Variants in HEATR6 observed in about 807,000 individuals in gnomAD.
HEATR6 encodes the protein HEAT repeat containing 6, also known as HEAT repeat-containing protein 6.
Under a neutral mutation model 132.8 loss-of-function variants are expected in HEATR6, and 106 were observed. The ratio of observed to expected loss-of-function variants is 0.80; its 90% CI spans 0.68 to 0.94. The LOEUF is 0.94. HEATR6 is among the 40% of genes least tolerant of loss of function. HEATR6 has a pLI of 0.00. For missense variants in HEATR6, 1,339 were observed against 1,425.1 expected, an observed-to-expected ratio of 0.94 and a Z score of 0.97; for synonymous variants, 529 against 537.8, an observed-to-expected ratio of 0.98 and a Z score of 0.23.
chr17:60,068,384 G>A (rs997081631), intron 7 of HEATR6, among the ~76,000 whole-genome samples: 6 of 151,614 alleles, frequency 4.0e-5, no homozygotes, highest in Middle Eastern at 3.2e-3. Flanking sequence ...CTCAAAGTCT[G>A]TGGCCTTGAG....
chr17:60,047,021 AT>A (rs753671987), intron 18 of HEATR6, among the ~76,000 whole-genome samples: 66 of 146,722 alleles, frequency 4.5e-4, no homozygotes, highest in Middle Eastern at 3.5e-3. Flanking sequence ...TGACTTGTCA[AT>A]TTTTTTTTTT....
chr17:60,053,176 C>A (rs945653979), intron 14 of HEATR6, among the ~76,000 whole-genome samples: 2 of 152,082 alleles, frequency 1.3e-5, no homozygotes, highest in African/African-American at 4.8e-5. Context: ...GTTATTCACA[C>A]GAGAGCTAAT....
chr17:60,076,580 G>C (rs534192004), intron 1 of HEATR6: 40 of 179,768 alleles, frequency 2.2e-4, no homozygotes, highest in African/African-American at 8.1e-4. Context: ...ATGGTGGTAT[G>C]TAGTCCCAGC....
intron 18 of HEATR6, 89 bp downstream of exon 18, chr17:60,047,220 G>T: frequency 1.2e-6 from 1 of 814,946 alleles, no homozygotes. Flanking sequence ...GACAGTCTGA[G>T]GAACATCAAG....
Position 60,066,232 on chromosome 17 carries a change from T to C in HEATR6, c.1393A>G (p.Thr465Ala), listed in dbSNP as rs1461503604. 1.2e-6 allele frequency: 2 copies of C among 1,613,628 alleles called. No individual in the cohort carries two copies. Among genetic ancestry groups the C allele is most frequent in the African/African-American group, 1.3e-5 (1 of 74,932 alleles). The change falls in exon 9 of 20, where the codon ACA (threonine) becomes GCA (alanine). Residue 465 changes from threonine (T) to alanine (A), a missense_variant. Transcript: ENST00000184956. ...ACCTTTGGAGAAGGGTCTTTCAATGTAAGAGTCATCAAGGACACTGACTGT... is the reference window on the plus strand; with the variant it reads ...ACCTTTGGAGAAGGGTCTTTCAATGCAAGAGTCATCAAGGACACTGACTGT... ...SPQSVSLMTL[T>A]LKDPSPKTRA...
chr17:60,077,613 A>G (rs1568653409), intron 1 of HEATR6, among the ~76,000 whole-genome samples: 1 of 152,220 alleles, frequency 6.6e-6, no homozygotes, highest in Admixed American at 6.5e-5. Flanking sequence ...ATTCTGTATG[A>G]ATTGTCCTGC....
chr17:60,059,976 C>T lies in HEATR6; in HGVS notation c.1537G>A (p.Ala513Thr), dbSNP rs1160246355. The change falls in exon 10 of 20, where the codon GCT (alanine) becomes ACT (threonine). Residue 513 changes from alanine to threonine, a missense_variant. By Grantham distance (58) the Ala-to-Thr change is moderately conservative. Transcript: ENST00000184956. ...RAFTPFSVMI[A>T]CSIRELHRCL... ...CTGTGCAACTCTCTAATGCTGCAAG[C>T]GATCATTACGGAGAAGGGGGTAAAA... is the stretch of plus-strand genomic sequence containing the variant. 9.3e-6 allele frequency: 15 copies of T among 1,613,740 alleles called. No individual in the cohort carries two copies. The highest frequency in any genetic ancestry group is 2.2e-5 in the East Asian group (1 of 44,876).
intron 8 of HEATR6, among the ~76,000 whole-genome samples, 163 bp downstream of exon 8, chr17:60,067,269 CAA>C (rs11339664): frequency 0.03 from 1,851 of 61,116 alleles, 20 homozygotes; most frequent in African/African-American, 0.075. Flanking sequence ...GACTCCGTCT[CAA>C]AAAAAAAAAA....
At chr17:60,073,980 A>C in intron 2 of HEATR6, 94 bp from the exon 3 acceptor site, 1 of 1,486,610 alleles carries the variant, frequency 6.7e-7, no homozygotes. Context: ...AGCTGTATAA[A>C]AGAGAGAGTG....
In HEATR6 at chr17:60,057,236, G is replaced by A. The variant is rs1357990103; in HGVS notation, c.1891C>T (p.Pro631Ser). ...GTTTCTTCCAGAGAGGGTCCTGCAG[G>A]GGCTTTCTTCCACCAATCAGGAGGG... ...LSPPDWWKKA[P>S]AGPSLEETSV... Residue 631 changes from proline to serine, a missense_variant, in exon 12 of 20, where the codon CCT becomes TCT. Transcript: ENST00000184956. 1.2e-6 allele frequency: 2 copies of A among 1,614,168 alleles called. No homozygotes were observed. Among genetic ancestry groups the A allele is most frequent in the Non-Finnish European group, 1.7e-6 (2 of 1,180,032 alleles).
At chr17:60,047,236 C>T in intron 18 of HEATR6, 73 bp downstream of exon 18, 2 of 955,472 alleles carry the variant, frequency 2.1e-6, no homozygotes, top group Non-Finnish European at 3.3e-6. Context: ...TCAAGCCACA[C>T]TGAACTACCA....
rs8082103 is a variant in HEATR6, at chr17:60,069,209, C to T, written c.939+502G>A. On this transcript the variant is annotated intron_variant, in intron 7 of 19. Transcript: ENST00000184956. ...CGCTGACTGGTAGGTGGGCTTCTAACAGTCTAGAGTGGGGTTGGCAAATTA... is the reference window on the plus strand; with the variant it reads ...CGCTGACTGGTAGGTGGGCTTCTAATAGTCTAGAGTGGGGTTGGCAAATTA... Among the ~76,000 whole-genome samples, 661 of 152,344 alleles carry T rather than the reference C, an allele frequency of 4.3e-3. 4 individuals carry two copies. Among genetic ancestry groups the T allele is most frequent in the African/African-American group, 0.016 (645 of 41,584 alleles).
In HEATR6 at chr17:60,044,063, C is replaced by T. The variant is rs773235215; in HGVS notation, c.3046G>A (p.Val1016Met). The T allele has an allele frequency of 1.9e-6, 3 of 1,614,050 alleles. No homozygotes were observed. Among genetic ancestry groups the T allele is most frequent in the East Asian group, 4.5e-5 (2 of 44,898 alleles). Reference protein sequence around the residue: ...SVVTSCKNFKVRIRSAAALSV... With the variant: ...SVVTSCKNFKMRIRSAAALSV... ...AGGGCAGCTGCAGATCTGATGCGCA[C>T]TTTGAAGTTCTTGCATGATGTCACG... The change falls in exon 20 of 20, where the codon GTG (valine) becomes ATG (methionine). Residue 1016 changes from valine to methionine, a missense_variant. Physicochemically the swap from Val to Met is conservative, Grantham distance 21. Transcript: ENST00000184956.
chr17:60,067,856 A>G (rs945942838), intron 7 of HEATR6, 124 bp from the exon 8 acceptor site: 1 of 777,688 alleles, frequency 1.3e-6, no homozygotes, highest in African/African-American at 1.8e-5. Flanking sequence ...AAGAAAGAAG[A>G]AAAGAGAAAA....
At chr17:60,053,135 A>T (rs1386553557) in intron 14 of HEATR6, among the ~76,000 whole-genome samples, 1 of 152,122 alleles carries the variant, frequency 6.6e-6, no homozygotes, top group Non-Finnish European at 1.5e-5. Flanking sequence ...GCTTGGTGCT[A>T]TCCTTGTGGT....
intron 19 of HEATR6, 22 bp downstream of exon 19, chr17:60,046,003 G>A: frequency 6.4e-7 from 1 of 1,552,030 alleles, no homozygotes. Flanking sequence ...TTCCACCAGG[G>A]AGTGAAGGGA....
Position 60,064,330 on chromosome 17 carries a change from C to CAAACAAAG in HEATR6, c.1416+1878_1416+1879insCTTTGTTT, listed in dbSNP as rs550875564. The CAAACAAAG allele has an allele frequency of 1.3e-3, 224 of 167,680 alleles. 1 individual carries two copies. Among genetic ancestry groups the CAAACAAAG allele is most frequent in the African/African-American group, 5.0e-3 (210 of 41,682 alleles). 10.4% of individuals were successfully genotyped at this position (167,680 alleles called of 1,614,324 possible). ...TCAAACAAACAAACAAACAAACAAA[C>CAAACAAAG]AAAAGCCTGTCCCATGACATCACCT... On this transcript the variant is annotated intron_variant, in intron 9 of 19. Transcript: ENST00000184956.
Position 60,066,222 on chromosome 17 carries a change from T to C in HEATR6, c.1403A>G (p.Asp468Gly). Reference protein sequence around the residue: ...SVSLMTLTLKDPSPKTRACAL... With the variant: ...SVSLMTLTLKGPSPKTRACAL... ...AAATTCTCTTACCTTTGGAGAAGGG[T>C]CTTTCAATGTAAGAGTCATCAAGGA... is the stretch of plus-strand genomic sequence containing the variant. The change falls in exon 9 of 20, where the codon GAC becomes GGC. Residue 468 changes from aspartate (D) to glycine (G), a missense_variant. By Grantham distance (94) the Asp-to-Gly change is moderately conservative (BLOSUM62 -1). Coordinates refer to ENST00000184956, the MANE Select transcript of HEATR6 (RefSeq NM_022070.5). 6.2e-7 allele frequency: 1 copy of C among 1,612,452 alleles called. No homozygotes were observed. Among genetic ancestry groups the C allele is most frequent in the Non-Finnish European group, 8.5e-7 (1 of 1,179,412 alleles).
At chr17:60,062,143 T>C (rs1284588504) in intron 9 of HEATR6, among the ~76,000 whole-genome samples, 1 of 152,240 alleles carries the variant, frequency 6.6e-6, no homozygotes, top group Non-Finnish European at 1.5e-5. Flanking sequence ...TTAACATATC[T>C]TTGTTGTTAT....
Sources: allele counts gnomAD v4.1 joint callset (sites outside exome capture counted in the v4.1 genomes callset), GRCh38; gene constraint gnomAD v4.1.1; transcripts MANE v1.5; gene names NCBI Gene and HGNC (gene_info 2026-07-23, HGNC 2026-07-21).